The following CTXND1 variants were observed in gnomAD, a reference collection of about 807,000 sequenced individuals.
CTXND1 encodes cortexin domain containing 1.
Position 80,199,309 on chromosome 15 carries a change from A to T in CTXND1, c.*2461T>A, listed in dbSNP as rs955343198. 1.3e-5 allele frequency: 2 copies of T among 152,272 alleles called. No homozygotes were observed. Among genetic ancestry groups the T allele is most frequent in the Non-Finnish European group, 2.9e-5 (2 of 68,074 alleles). 9.4% of individuals were successfully genotyped at this position (152,272 alleles called of 1,614,324 possible). ...GGGCTGTGAGTTTGGGTTTCTAACA[A>T]GCTCCTCAAGTATTGCAGAGGCTGT... On this transcript the variant is annotated 3_prime_UTR_variant, in exon 3 of 3. Transcript: ENST00000560778.
At chr15:80,242,561 G>A (rs1893582144) in intron 1 of CTXND1, among the ~76,000 whole-genome samples, 1 of 152,224 alleles carries the variant, frequency 6.6e-6, no homozygotes, top group South Asian at 2.1e-4. Context: ...CAATGCCGAG[G>A]GAGGAGCCTG....
chr15:80,204,280 A>G (rs1283773618), intron 1 of CTXND1, among the ~76,000 whole-genome samples: 1 of 150,142 alleles, frequency 6.7e-6, no homozygotes, highest in Admixed American at 6.6e-5. Flanking sequence ...ATAATATAAA[A>G]TCTACCATCT....
chr15:80,233,747 T>G (rs1442483023), intron 1 of CTXND1, among the ~76,000 whole-genome samples: 1 of 152,234 alleles, frequency 6.6e-6, no homozygotes, highest in Non-Finnish European at 1.5e-5. Context: ...CTGACTTTGC[T>G]GTCTCGCGGA....
chr15:80,223,525 C>G (rs1230577860), intron 1 of CTXND1, among the ~76,000 whole-genome samples: 3 of 152,120 alleles, frequency 2.0e-5, no homozygotes, highest in African/African-American at 7.2e-5. Context: ...AAATTCTTGT[C>G]TGTCTTTGTT....
intron 1 of CTXND1, among the ~76,000 whole-genome samples, chr15:80,246,549 C>G (rs970488515): frequency 1.3e-5 from 2 of 152,196 alleles, no homozygotes; most frequent in African/African-American, 4.8e-5. Flanking sequence ...TTGTGTGAAA[C>G]CCGTTGTGGG....
In CTXND1 at chr15:80,195,728, A is replaced by G. The variant is rs1478363573; in HGVS notation, c.*6042T>C. 6.6e-6 allele frequency: 1 copy of G among 152,144 alleles called. No homozygotes were observed. The highest frequency in any genetic ancestry group is 2.4e-5 in the African/African-American group (1 of 41,432). 9.4% of individuals were successfully genotyped at this position (152,144 alleles called of 1,614,324 possible). ...ACCTCTCATTGGGCCCCAGATCTCA[A>G]CACTGTTGCAATGGGAATCAAGTTT... On this transcript the variant is annotated 3_prime_UTR_variant, in exon 3 of 3. Coordinates refer to ENST00000560778, the MANE Select transcript of CTXND1 (RefSeq NM_001352888.2).
chr15:80,224,245 C>T (rs758720919), intron 1 of CTXND1, among the ~76,000 whole-genome samples: 1 of 152,130 alleles, frequency 6.6e-6, no homozygotes, highest in South Asian at 2.1e-4. Context: ...AACCACCGAC[C>T]GACTGCAATC....
At chr15:80,209,467 C>G (rs1455842979) in intron 1 of CTXND1, among the ~76,000 whole-genome samples, 1 of 152,238 alleles carries the variant, frequency 6.6e-6, no homozygotes, top group African/African-American at 2.4e-5. Context: ...CATGTTCTTG[C>G]AGCAGCTGGA....
At chr15:80,210,408 G>C (rs1474874709) in intron 1 of CTXND1, among the ~76,000 whole-genome samples, 3 of 152,214 alleles carry the variant, frequency 2.0e-5, no homozygotes, top group Admixed American at 1.3e-4. Context: ...GCCAGAAGCT[G>C]TTTCTCTCTT....
chr15:80,235,247 C>T (rs1893481511), intron 1 of CTXND1, among the ~76,000 whole-genome samples: 1 of 152,220 alleles, frequency 6.6e-6, no homozygotes, highest in South Asian at 2.1e-4. Flanking sequence ...CCCTTAGGGG[C>T]TGGCAGGACC....
chr15:80,249,126 AT>A (rs901150210), intron 1 of CTXND1, among the ~76,000 whole-genome samples: 1 of 151,804 alleles, frequency 6.6e-6, no homozygotes, highest in Admixed American at 6.6e-5. Flanking sequence ...AATTTTTAAA[AT>A]TTTTTTGTGG....
At chr15:80,233,175 G>C (rs1396852111) in intron 1 of CTXND1, among the ~76,000 whole-genome samples, 1 of 151,998 alleles carries the variant, frequency 6.6e-6, no homozygotes, top group Non-Finnish European at 1.5e-5. Context: ...TCCTGACCTT[G>C]TGATCCACCC....
intron 1 of CTXND1, among the ~76,000 whole-genome samples, chr15:80,216,259 C>G (rs998566811): frequency 2.0e-5 from 3 of 152,182 alleles, no homozygotes; most frequent in African/African-American, 7.2e-5. Context: ...GGAACACTTC[C>G]TATTGATAGT....
At position 80,200,964 on chromosome 15, in the gene CTXND1, G is replaced by T. The variant is rs1367254789; in HGVS notation, c.*806C>A. On this transcript the variant is annotated 3_prime_UTR_variant, in exon 3 of 3. Transcript: ENST00000560778. Reference sequence around the variant, plus strand: ...TAAGAAGAGTGTTTGATGTAATGGGGAAGTATTCCTGCTATCATATGAGGC... The same window carrying T: ...TAAGAAGAGTGTTTGATGTAATGGGTAAGTATTCCTGCTATCATATGAGGC... 3 of 152,180 alleles carry T rather than the reference G, an allele frequency of 2.0e-5. No homozygotes were observed. Among genetic ancestry groups the T allele is most frequent in the Non-Finnish European group, 4.4e-5 (3 of 68,034 alleles). 9.4% of individuals were successfully genotyped at this position (152,180 alleles called of 1,614,324 possible). A position where few individuals can be genotyped will look rare whatever the true frequency, so the allele number is the denominator to read the frequency against.
intron 1 of CTXND1, among the ~76,000 whole-genome samples, chr15:80,214,498 A>G (rs1243877594): frequency 6.6e-6 from 1 of 152,194 alleles, no homozygotes; most frequent in Admixed American, 6.5e-5. Flanking sequence ...CAACAAACCA[A>G]CAAGCTTCTT....
rs769065181 is a variant in CTXND1, at chr15:80,250,333, G to GT, written c.-218+1673dup. Among the ~76,000 whole-genome samples the GT allele has an allele frequency of 5.0e-3, 728 of 146,896 alleles. 28 individuals are homozygous for GT. The South Asian group carries it at 0.1, about 20-fold the overall frequency. The stretch of plus-strand genomic sequence containing the variant: ...AGCAATTGAACTTCTAGTTGAGCTA[G>GT]TTTTTTTTTTTCAGGCCAATTAAAG... On this transcript the variant is annotated intron_variant, in intron 1 of 2. Transcript: ENST00000560778.
chr15:80,220,368 A>T (rs1893302103), intron 1 of CTXND1, among the ~76,000 whole-genome samples: 1 of 152,186 alleles, frequency 6.6e-6, no homozygotes, highest in South Asian at 2.1e-4. Context: ...GTTTCCATCT[A>T]CATGAGTTCA....
chr15:80,209,414 A>G (rs1329058450), intron 1 of CTXND1, among the ~76,000 whole-genome samples: 1 of 152,134 alleles, frequency 6.6e-6, no homozygotes, highest in African/African-American at 2.4e-5. Flanking sequence ...TAACTGCATC[A>G]TCCTTCAACA....
rs578073853 is a variant in CTXND1, at chr15:80,226,089, G to A, written c.-217-22349C>T. Among the ~76,000 whole-genome samples the A allele has an allele frequency of 5.9e-5, 9 of 152,310 alleles. No individual in the cohort carries two copies. The South Asian group carries it at 1.7e-3, about 28-fold the overall frequency. ...CTTGGGCCAGAAACAAAAAGAGGAGGTTAACCTTTCTCTCCTCTCACTCCA... is the reference window on the plus strand; with the variant it reads ...CTTGGGCCAGAAACAAAAAGAGGAGATTAACCTTTCTCTCCTCTCACTCCA... On this transcript the variant is annotated intron_variant, in intron 1 of 2. Coordinates refer to ENST00000560778, the MANE Select transcript of CTXND1 (RefSeq NM_001352888.2).
Sources: gnomAD v4.1 joint callset for allele counts (sites outside exome capture counted in the v4.1 genomes callset) on GRCh38, gnomAD v4.1.1 for gene constraint, MANE v1.5 for transcripts, NCBI Gene and HGNC (gene_info 2026-07-23, HGNC 2026-07-21) for gene names.